Variants in LPA observed in about 807,000 individuals in gnomAD.
LPA encodes the protein apolipoprotein(a).
Under a neutral mutation model 197.9 loss-of-function variants are expected in LPA, and 199 were observed. The observed-to-expected ratio is 1.01, with a 90% CI of 0.90 to 1.13. The LOEUF (loss-of-function observed/expected upper bound fraction) is 1.13, where lower values mean the gene tolerates loss of function less well. Among genes scored for constraint, LPA ranks in the 50% most tolerant of loss-of-function variants. The pLI is 0.00. For missense variants in LPA, 1,853 were observed against 1,785.8 expected, an observed-to-expected ratio of 1.04 and a Z score of -0.68; for synonymous variants, 715 against 639.5, an observed-to-expected ratio of 1.12 and a Z score of -1.78.
At position 160,599,657 on chromosome 6, in the gene LPA, G is replaced by A; in HGVS notation, c.3130C>T (p.Leu1044=). 6.2e-7 allele frequency: 1 copy of A among 1,613,974 alleles called. No individual in the cohort carries two copies. Among genetic ancestry groups the A allele is most frequent in the Non-Finnish European group, 8.5e-7 (1 of 1,179,922 alleles). ...TGTACCCCGGGGGTTTCCTCAGTCA[G>A]TGCTGAAATTAAAACAGAAGACATC... The part of the protein sequence containing the change: ...PSLEAFFEQA[L]TEETPGVQDC... Residue 1044 remains leucine (L), a splice_region_variant and synonymous_variant, in exon 20 of 39, where the codon CTG becomes TTG. Transcript: ENST00000316300.
chr6:160,600,768 G>C, intron 19 of LPA, 149 bp downstream of exon 19: 1 of 882,372 alleles, frequency 1.1e-6, no homozygotes, highest in Non-Finnish European at 1.8e-6. Context: ...GGCTCCCCCA[G>C]AGAGTGCGCT....
At chr6:160,662,240 T>C (rs9365200) in intron 1 of LPA, among the ~76,000 whole-genome samples, 75,954 of 152,134 alleles carry the variant, frequency 0.5, 19,311 homozygotes, top group Non-Finnish European at 0.55. Context: ...TTTTATATTA[T>C]AGGCAAAATG....
intron 28 of LPA, among the ~76,000 whole-genome samples, chr6:160,574,190 G>A (rs1027599768): frequency 6.6e-6 from 1 of 151,852 alleles, no homozygotes; most frequent in Non-Finnish European, 1.5e-5. Flanking sequence ...GAAGCTGTCA[G>A]TCACAGGCCT....
intron 28 of LPA, among the ~76,000 whole-genome samples, chr6:160,575,714 G>T (rs1778642313): frequency 6.6e-6 from 1 of 152,156 alleles, no homozygotes; most frequent in Non-Finnish European, 1.5e-5. Context: ...ATATCCCCCA[G>T]TGCTTTGTGA....
intron 28 of LPA, among the ~76,000 whole-genome samples, chr6:160,565,450 C>T (rs1778434918): frequency 1.3e-5 from 2 of 152,190 alleles, no homozygotes; most frequent in South Asian, 2.1e-4. Flanking sequence ...AACAGACCTG[C>T]AGCTGAGGGT....
chr6:160,552,359 G>A (rs987111232), intron 30 of LPA, among the ~76,000 whole-genome samples: 1 of 152,150 alleles, frequency 6.6e-6, no homozygotes, highest in Non-Finnish European at 1.5e-5. Flanking sequence ...AACTGATATG[G>A]AGTCTTTTAA....
chr6:160,599,809 A>C, intron 19 of LPA, 150 bp from the exon 20 acceptor site: 1 of 780,792 alleles, frequency 1.3e-6, no homozygotes. Flanking sequence ...GAGAAAACAC[A>C]CAAACAAACA....
rs574997957 is a variant in LPA, at chr6:160,606,444, A to C, written c.2785+33T>G. On this transcript the variant is annotated intron_variant, in intron 17 of 38. Transcript: ENST00000316300. The stretch of plus-strand genomic sequence containing the variant: ...TCCATGGCTTTTCATCCCAGCATCG[A>C]AACGTGTAGGTTTCTGGCCACAGGC... 4.3e-6 allele frequency: 7 copies of C among 1,611,318 alleles called. No homozygotes were observed. In the Admixed American group the frequency reaches 1.0e-4, roughly 23 times the overall value.
intron 1 of LPA, among the ~76,000 whole-genome samples, chr6:160,652,505 G>A (rs1780025793): frequency 6.6e-6 from 1 of 152,112 alleles, no homozygotes; most frequent in Non-Finnish European, 1.5e-5. Context: ...AAAGCTGAAA[G>A]ACAACAGCAA....
chr6:160,584,911 G>T, intron 26 of LPA, 135 bp downstream of exon 26: 1 of 904,430 alleles, frequency 1.1e-6, no homozygotes, highest in Non-Finnish European at 1.8e-6. Context: ...TCAAAAGTAA[G>T]TTTCCTGAGA....
In LPA at chr6:160,557,587, C is replaced by T. The variant is rs769211557; in HGVS notation, c.4632-16G>A. 1 of 1,613,742 alleles carries T rather than the reference C, an allele frequency of 6.2e-7. No individual in the cohort carries two copies. Among genetic ancestry groups the T allele is most frequent in the South Asian group, 1.1e-5 (1 of 91,070 alleles). On this transcript the variant is annotated splice_polypyrimidine_tract_variant and intron_variant, in intron 28 of 38. Coordinates refer to ENST00000316300, the MANE Select transcript of LPA (RefSeq NM_005577.4). Reference sequence around the variant, plus strand: ...GGTCAGGCCACTGCAAATTCCAAAACAACACAGGTCACAAGAGGCGGGAAA... The same window carrying T: ...GGTCAGGCCACTGCAAATTCCAAAATAACACAGGTCACAAGAGGCGGGAAA...
rs576226987 is a variant in LPA, at chr6:160,648,760, C to G, written c.209+1578G>C. On this transcript the variant is annotated intron_variant, in intron 2 of 38. Transcript: ENST00000316300. Reference sequence around the variant, plus strand: ...CTCTTAGTAGTTCTTCGATTTGGCTCTTTATACTCTTACTGTCTCTGGATA... The same window carrying G: ...CTCTTAGTAGTTCTTCGATTTGGCTGTTTATACTCTTACTGTCTCTGGATA... Among the ~76,000 whole-genome samples, 11 of 152,186 alleles carry G rather than the reference C, an allele frequency of 7.2e-5. No homozygotes were observed. In the South Asian group the frequency reaches 2.3e-3, roughly 32 times the overall value.
intron 37 of LPA, among the ~76,000 whole-genome samples, chr6:160,533,861 A>G (rs915519460): frequency 1.3e-5 from 2 of 152,212 alleles, no homozygotes; most frequent in African/African-American, 4.8e-5. Flanking sequence ...TCCTTCGCCA[A>G]ATTGAAACAG....
chr6:160,650,990 G>A (rs1582899938), intron 1 of LPA, among the ~76,000 whole-genome samples: 4 of 152,298 alleles, frequency 2.6e-5, no homozygotes, highest in East Asian at 1.9e-4. Flanking sequence ...CGCAGGCAAA[G>A]CCCTTCACTT....
At chr6:160,610,716 T>A (rs1168307872) in intron 16 of LPA, among the ~76,000 whole-genome samples, 1 of 152,078 alleles carries the variant, frequency 6.6e-6, no homozygotes, top group African/African-American at 2.4e-5. Context: ...CTCCAATCCC[T>A]CTCCTCTGCT....
chr6:160,610,232 G>C (rs952712271), intron 16 of LPA, among the ~76,000 whole-genome samples: 1 of 152,108 alleles, frequency 6.6e-6, no homozygotes, highest in Admixed American at 6.5e-5. Context: ...TGAGGCAATT[G>C]ACTTTGTTGT....
chr6:160,553,936 T>TGTGTGTGTG (rs1562319175), intron 30 of LPA, among the ~76,000 whole-genome samples: 3 of 114,230 alleles, frequency 2.6e-5, no homozygotes, highest in African/African-American at 1.2e-4. Flanking sequence ...TCTCTCTCTC[T>TGTGTGTGTG]CTGTGTGTGT....
At chr6:160,609,696 A>T (rs1196475659) in intron 16 of LPA, among the ~76,000 whole-genome samples, 2 of 151,728 alleles carry the variant, frequency 1.3e-5, no homozygotes, top group Non-Finnish European at 2.9e-5. Flanking sequence ...AAATCTTCTT[A>T]TATTTTCCTG....
At chr6:160,581,683 GT>G (rs1377071712) in intron 26 of LPA, among the ~76,000 whole-genome samples, 2 of 151,992 alleles carry the variant, frequency 1.3e-5, no homozygotes, top group Non-Finnish European at 2.9e-5. Context: ...TTTATTCCAA[GT>G]TTTTTATTCT....
Sources: allele counts gnomAD v4.1 joint callset (sites outside exome capture counted in the v4.1 genomes callset), GRCh38; gene constraint gnomAD v4.1.1; transcripts MANE v1.5; gene names NCBI Gene and HGNC (gene_info 2026-07-23, HGNC 2026-07-21).